Variants in MAP2 observed in about 807,000 individuals in gnomAD.
MAP2 encodes microtubule-associated protein 2.
MAP2 carries 14 observed loss-of-function variants against 137.6 expected under a neutral mutation model. That is an observed-to-expected ratio of 0.10 (90% CI 0.07 to 0.16). The LOEUF is 0.16. MAP2 is among the 10% of genes least tolerant of loss of function. MAP2 has a pLI of 1.00. For synonymous variants in MAP2, 786 were observed against 782.3 expected (o/e 1.00, Z -0.08); for missense variants, 2,088 against 2,191.5 (o/e 0.95, Z 0.94).
intron 3 of MAP2, among the ~76,000 whole-genome samples, chr2:209,591,046 G>GTTTGTT (rs756264637): frequency 6.6e-6 from 1 of 152,102 alleles, no homozygotes; most frequent in Admixed American, 6.6e-5. Flanking sequence ...TTTTTTGTTT[G>GTTTGTT]TTTGTTTTTG....
intron 14 of MAP2, among the ~76,000 whole-genome samples, chr2:209,728,122 G>A (rs982408143): frequency 6.6e-6 from 1 of 152,102 alleles, no homozygotes; most frequent in African/African-American, 2.4e-5. Flanking sequence ...CAACAGAGCA[G>A]ACCTTGTCTC....
intron 3 of MAP2, among the ~76,000 whole-genome samples, chr2:209,591,420 CCTT>C: frequency 6.6e-6 from 1 of 152,280 alleles, no homozygotes; most frequent in East Asian, 1.9e-4. Context: ...TTTTCTATCT[CCTT>C]CTACAAGAAT....
In MAP2 at chr2:209,694,167, T is replaced by G; in HGVS notation, c.1997T>G (p.Val666Gly). The change falls in exon 8 of 16, where the codon GTG (valine) becomes GGG (glycine). Residue 666 changes from valine (V) to glycine (G), a missense_variant. Coordinates refer to ENST00000682079, the MANE Select transcript of MAP2 (RefSeq NM_001375505.1). ...QERMFTIDPK[V>G]YGEKRDLHSK... ...AGAATGTTCACTATTGATCCAAAAG[T>G]GTATGGAGAGAAAAGGGACCTCCAC... is the stretch of plus-strand genomic sequence containing the variant. 1.2e-6 allele frequency: 2 copies of G among 1,614,038 alleles called. No individual in the cohort carries two copies. Among genetic ancestry groups the G allele is most frequent in the Non-Finnish European group, 1.7e-6 (2 of 1,179,982 alleles).
At chr2:209,494,527 A>G (rs1162936313) in intron 1 of MAP2, among the ~76,000 whole-genome samples, 1 of 152,060 alleles carries the variant, frequency 6.6e-6, no homozygotes, top group Non-Finnish European at 1.5e-5. Flanking sequence ...TACCAGCGCC[A>G]TGACAGTTTA....
intron 2 of MAP2, among the ~76,000 whole-genome samples, chr2:209,576,998 A>AT (rs1326573844): frequency 6.6e-6 from 1 of 152,128 alleles, no homozygotes; most frequent in Admixed American, 6.5e-5. Context: ...AAGCTGTGCT[A>AT]TTTTTTTAGA....
chr2:209,637,906 A>G (rs1165548542), intron 4 of MAP2, among the ~76,000 whole-genome samples: 1 of 152,030 alleles, frequency 6.6e-6, no homozygotes, highest in Non-Finnish European at 1.5e-5. Flanking sequence ...GCTAGGTCCT[A>G]TTTACCTAAC....
intron 1 of MAP2, among the ~76,000 whole-genome samples, chr2:209,490,683 A>G (rs1273299465): frequency 5.3e-5 from 8 of 151,348 alleles, no homozygotes. Flanking sequence ...TTAAACCAAC[A>G]AAGATCAAAA....
chr2:209,702,002 T>C (rs572492244), intron 11 of MAP2, among the ~76,000 whole-genome samples: 1 of 152,270 alleles, frequency 6.6e-6, no homozygotes, highest in Non-Finnish European at 1.5e-5. Context: ...AATGTAATGA[T>C]GTTATAAAAC....
chr2:209,495,511 C>T (rs1042319406), intron 1 of MAP2, among the ~76,000 whole-genome samples: 2 of 152,216 alleles, frequency 1.3e-5, no homozygotes, highest in African/African-American at 4.8e-5. Flanking sequence ...TCTTTACTGT[C>T]CTGCAGCCTC....
rs763082858 is a variant in MAP2 at position 209,694,472 on chromosome 2, C to G, written c.2302C>G (p.Gln768Glu). ...CFPVESKEEE[Q>E]IEKVKATGEE... ...CCCTGTAGAAAGCAAAGAGGAAGAA[C>G]AGATAGAGAAAGTAAAAGCTACTGG... Residue 768 changes from glutamine to glutamate, a missense_variant, in exon 8 of 16, where the codon CAG becomes GAG. By Grantham distance (29) the Gln-to-Glu change is conservative. Coordinates refer to ENST00000682079, the MANE Select transcript of MAP2 (RefSeq NM_001375505.1). 2.5e-6 allele frequency: 4 copies of G among 1,613,976 alleles called. No homozygotes were observed. In the South Asian group the frequency reaches 4.4e-5, roughly 18 times the overall value.
Position 209,692,669 on chromosome 2 carries a change from T to C in MAP2, c.499T>C (p.Leu167=). Residue 167 remains leucine (L), a synonymous_variant, in exon 8 of 16, where the codon TTG becomes CTG. Transcript: ENST00000682079. ...SKMEFHDQQE[L]TPSTAEPSDQ... ...GATGGAGTTCCACGATCAACAGGAA[T>C]TGACTCCCTCTACAGCTGAGCCTTC... 6.3e-7 allele frequency: 1 copy of C among 1,598,062 alleles called. No individual in the cohort carries two copies. Among genetic ancestry groups the C allele is most frequent in the Non-Finnish European group, 8.5e-7 (1 of 1,175,820 alleles).
At chr2:209,590,102 C>T (rs1482782481) in intron 3 of MAP2, among the ~76,000 whole-genome samples, 1 of 152,086 alleles carries the variant, frequency 6.6e-6, no homozygotes, top group Non-Finnish European at 1.5e-5. Flanking sequence ...CCACCTCTTC[C>T]TCAGTTCTCC....
At chr2:209,592,485 A>C (rs1421606225) in intron 3 of MAP2, among the ~76,000 whole-genome samples, 1 of 152,292 alleles carries the variant, frequency 6.6e-6, no homozygotes, top group South Asian at 2.1e-4. Context: ...GTGGCCAGTC[A>C]CTAATAAATC....
chr2:209,537,031 T>C (rs1041980962), intron 2 of MAP2, among the ~76,000 whole-genome samples: 1 of 152,172 alleles, frequency 6.6e-6, no homozygotes, highest in Non-Finnish European at 1.5e-5. Flanking sequence ...ATACCTAATT[T>C]TGTTGTGCTT....
At chr2:209,485,955 T>C (rs1311948356) in intron 1 of MAP2, among the ~76,000 whole-genome samples, 1 of 152,206 alleles carries the variant, frequency 6.6e-6, no homozygotes, top group African/African-American at 2.4e-5. Flanking sequence ...TTCTTGTTGC[T>C]TAAATTGGGG....
intron 10 of MAP2, among the ~76,000 whole-genome samples, chr2:209,699,087 G>C (rs550384834): frequency 6.6e-6 from 1 of 152,162 alleles, no homozygotes; most frequent in Non-Finnish European, 1.5e-5. Context: ...TTAGGAGAAA[G>C]CATGTATCAG....
intron 1 of MAP2, among the ~76,000 whole-genome samples, chr2:209,478,219 A>G (rs1575743643): frequency 6.6e-6 from 1 of 152,132 alleles, no homozygotes; most frequent in Non-Finnish European, 1.5e-5. Flanking sequence ...GTGGTTAGGA[A>G]CCCAGCCTCT....
In MAP2 at chr2:209,694,678, A is replaced by C; in HGVS notation, c.2508A>C (p.Ser836=). Residue 836 remains serine, a synonymous_variant, in exon 8 of 16, where the codon TCA becomes TCC. Transcript: ENST00000682079. ...TTGCCAGGAGGAAATCAGTCCCATCAGAGACTGTGGTTGAGGATAGTCGTA... is the reference window on the plus strand; with the variant it reads ...TTGCCAGGAGGAAATCAGTCCCATCCGAGACTGTGGTTGAGGATAGTCGTA... The part of the protein sequence containing the change: ...AEVARRKSVP[S]ETVVEDSRTG... 6.2e-7 allele frequency: 1 copy of C among 1,614,166 alleles called. No individual in the cohort carries two copies. The highest frequency in any genetic ancestry group is 1.1e-5 in the South Asian group (1 of 91,084).
intron 1 of MAP2, among the ~76,000 whole-genome samples, chr2:209,498,545 T>C (rs894028775): frequency 2.0e-5 from 3 of 152,250 alleles, no homozygotes; most frequent in Non-Finnish European, 4.4e-5. Flanking sequence ...AGGTTCTCTG[T>C]TGGGGCTCTG....
Sources: allele counts gnomAD v4.1 joint callset (sites outside exome capture counted in the v4.1 genomes callset), GRCh38; gene constraint gnomAD v4.1.1; transcripts MANE v1.5; gene names NCBI Gene and HGNC (gene_info 2026-07-23, HGNC 2026-07-21).